WDR46: variants seen among roughly 807,000 people sequenced by gnomAD.
WDR46 encodes WD repeat domain 46, also known as WD repeat-containing protein 46.
A neutral mutation model predicts 74.7 loss-of-function variants in WDR46; 58 were observed. That is an observed-to-expected ratio of 0.78 (90% CI 0.63 to 0.97). The LOEUF (loss-of-function observed/expected upper bound fraction) is 0.97. Among genes scored for constraint, WDR46 ranks in the 50% least tolerant of loss-of-function variants. The probability of loss-of-function intolerance (pLI) is 0.00; values close to 1 mark genes in which losing one functional copy is unlikely to be tolerated. For missense variants in WDR46, 702 were observed against 790.1 expected (o/e 0.89, Z 1.34); for synonymous variants, 278 against 297.3 (o/e 0.93, Z 0.67).
In WDR46 at chr6:33,280,938, G is replaced by C. The variant is rs774149911; in HGVS notation, c.1165C>G (p.Arg389Gly). The C allele has an allele frequency of 9.9e-6, 16 of 1,613,590 alleles. No homozygotes were observed. Among genetic ancestry groups the C allele is most frequent in the Non-Finnish European group, 1.2e-5 (14 of 1,179,696 alleles). The change falls in exon 11 of 15, where the codon CGA (arginine) becomes GGA (glycine). Residue 389 changes from arginine (R) to glycine (G), a missense_variant. Arg to Gly is a moderately radical substitution (Grantham distance 125). Transcript: ENST00000374617. The stretch of plus-strand genomic sequence containing the variant: ...GTGCTCAGAGGCTGGTACGTCCCTC[G>C]CAAGTCAAAGATCTTCAGCTGGTGG... ...LDHQLKIFDL[R>G]GTYQPLSTRT...
chr6:33,283,475 A>C (rs1236135489), intron 10 of WDR46, among the ~76,000 whole-genome samples: 1 of 152,120 alleles, frequency 6.6e-6, no homozygotes, highest in African/African-American at 2.4e-5. Flanking sequence ...TGTGTACCTG[A>C]GTCAAATTCT....
At chr6:33,288,322 G>C in intron 4 of WDR46, 36 bp downstream of exon 4, 1 of 1,613,010 alleles carries the variant, frequency 6.2e-7, no homozygotes, top group South Asian at 1.1e-5. Flanking sequence ...AGTCCCAAAA[G>C]GCAGGGAATG....
chr6:33,288,100 C>A (rs1222644156), intron 5 of WDR46, 48 bp downstream of exon 5: 1 of 1,614,062 alleles, frequency 6.2e-7, no homozygotes, highest in Admixed American at 1.7e-5. Context: ...CCTCTATTGT[C>A]CTGCACCACC....
intron 10 of WDR46, chr6:33,284,376 G>A (rs1274344955): frequency 1.3e-5 from 2 of 153,800 alleles, no homozygotes; most frequent in Non-Finnish European, 2.9e-5. Context: ...CCCACAGCAG[G>A]TGCCCAGTGA....
At chr6:33,283,306 G>A (rs1766347236) in intron 10 of WDR46, among the ~76,000 whole-genome samples, 1 of 152,156 alleles carries the variant, frequency 6.6e-6, no homozygotes, top group African/African-American at 2.4e-5. Flanking sequence ...GGCCAAGCTG[G>A]ATGTGGTGGC....
In WDR46 at chr6:33,288,368, C is replaced by T; in HGVS notation, c.463G>A (p.Glu155Lys). ...KAARSELLLAEEPGFLEGEDG... is the reference protein window; with the variant it reads ...KAARSELLLAKEPGFLEGEDG... ...TTAGGGCTCACTCACCCAGGTTCTT[C>T]AGCAAGCAGCAGCTCAGAACGAGCA... Residue 155 changes from glutamate to lysine, a missense_variant, in exon 4 of 15, where the codon GAA becomes AAA. Transcript: ENST00000374617. 1 of 1,614,198 alleles carries T rather than the reference C, an allele frequency of 6.2e-7. No homozygotes were observed. Among genetic ancestry groups the T allele is most frequent in the South Asian group, 1.1e-5 (1 of 91,090 alleles).
At position 33,279,599 on chromosome 6, in the gene WDR46, C is replaced by A. The variant is rs370202382; in HGVS notation, c.1632G>T (p.Pro544=). The change falls in exon 14 of 15, where the codon CCG becomes CCT. Residue 544 remains proline (P), a synonymous_variant. Transcript: ENST00000374617. Reference sequence around the variant, plus strand: ...TTGGCTGGAAGGGAGCCTTAGCCTGCGGGTCATAGCCCTGAGGGAGGGGAC... The same window carrying A: ...TTGGCTGGAAGGGAGCCTTAGCCTGAGGGTCATAGCCCTGAGGGAGGGGAC... The part of the protein sequence containing the change: ...KEQIERLGYD[P]QAKAPFQPKP... 1.2e-6 allele frequency: 2 copies of A among 1,614,112 alleles called. No homozygotes were observed. The highest frequency in any genetic ancestry group is 8.5e-7 in the Non-Finnish European group (1 of 1,180,038).
intron 6 of WDR46, 83 bp downstream of exon 6, chr6:33,287,882 A>G: frequency 6.4e-7 from 1 of 1,568,470 alleles, no homozygotes; most frequent in Non-Finnish European, 8.8e-7. Context: ...TCCCCTCATC[A>G]GCAACCCAAA....
intron 11 of WDR46, 24 bp from the exon 12 acceptor site, chr6:33,280,546 T>C: frequency 6.3e-7 from 1 of 1,599,186 alleles, no homozygotes; most frequent in Non-Finnish European, 8.5e-7. Flanking sequence ...GGGAGAAGCA[T>C]GGAGCCATAA....
At chr6:33,286,766 C>T (rs770145947) in intron 10 of WDR46, 29 bp downstream of exon 10, 2 of 1,583,214 alleles carry the variant, frequency 1.3e-6, no homozygotes, top group Non-Finnish European at 1.7e-6. Flanking sequence ...ACCTATGACT[C>T]CTAACACCTC....
chr6:33,287,275 A>G lies in WDR46; in HGVS notation c.880-49T>C, dbSNP rs1185006886. The G allele has an allele frequency of 1.9e-6, 3 of 1,612,532 alleles. No individual in the cohort carries two copies. In the South Asian group the frequency reaches 3.3e-5, roughly 18 times the overall value. The stretch of plus-strand genomic sequence containing the variant: ...TGACCCAGTCCTGATTGCCCTCTGT[A>G]TTCCCTCTGCTGGGGTCCTAAAGGA... On this transcript the variant is annotated intron_variant, in intron 8 of 14. Coordinates refer to ENST00000374617, the MANE Select transcript of WDR46 (RefSeq NM_005452.6).
chr6:33,283,371 G>A (rs1298549210), intron 10 of WDR46, among the ~76,000 whole-genome samples: 2 of 151,994 alleles, frequency 1.3e-5, no homozygotes, highest in Non-Finnish European at 2.9e-5. Context: ...TAGGAGGACC[G>A]CTTGAGCCCA....
rs1198928840 is a variant in WDR46 at position 33,280,754 on chromosome 6, A to C, written c.1349T>G (p.Val450Gly). ...PYLTHRLSGP[V>G]HGLQFCPFED... is the part of the protein sequence containing the mutation. ...AAAGGGGCAGAACTGAAGGCCATGCACAGGGCCTGAGAGCCGGTGGGTGAG... is the reference window on the plus strand; with the variant it reads ...AAAGGGGCAGAACTGAAGGCCATGCCCAGGGCCTGAGAGCCGGTGGGTGAG... The change falls in exon 11 of 15, where the codon GTG becomes GGG. Residue 450 changes from valine to glycine, a missense_variant. Transcript: ENST00000374617. 2 of 1,613,534 alleles carry C rather than the reference A, an allele frequency of 1.2e-6. No homozygotes were observed. Among genetic ancestry groups the C allele is most frequent in the Non-Finnish European group, 1.7e-6 (2 of 1,179,632 alleles).
rs1017254473 is a variant in WDR46, at chr6:33,279,976, A to G, written c.1525-117T>C. The stretch of plus-strand genomic sequence containing the variant: ...CCCAAGACCCCCAGCATGAGACATC[A>G]GGAGAGCTTTCTCTACCTCCAACCC... On this transcript the variant is annotated intron_variant, in intron 12 of 14. Transcript: ENST00000374617. 7.4e-6 allele frequency: 7 copies of G among 950,026 alleles called. No homozygotes were observed. In the African/African-American group the frequency reaches 1.2e-4, roughly 16 times the overall value. 58.8% of individuals were successfully genotyped at this position (950,026 alleles called of 1,614,324 possible). A position where few individuals can be genotyped will look rare whatever the true frequency, so the allele number is the denominator to read the frequency against.
At position 33,279,767 on chromosome 6, in the gene WDR46, CCTCT is replaced by C. The variant is rs1765963865; in HGVS notation, c.1613_1616del (p.Glu538GlyfsTer28). 1.2e-6 allele frequency: 2 copies of C among 1,614,056 alleles called. No homozygotes were observed. The highest frequency in any genetic ancestry group is 1.7e-6 in the Non-Finnish European group (2 of 1,179,978). On this transcript the variant is annotated frameshift_variant, in exon 13 of 15. Coordinates refer to ENST00000374617, the MANE Select transcript of WDR46 (RefSeq NM_005452.6). LOFTEE classifies it high-confidence loss of function. ...CATTCAGGGGCCTGCTCCATACCAGCCTCTCTATCTGCTCCTTCTTTCCCTGCTC... is the reference window on the plus strand; with the variant it reads ...CATTCAGGGGCCTGCTCCATACCAGCCTATCTGCTCCTTCTTTCCCTGCTC...
chr6:33,286,274 C>T (rs1423997257), intron 10 of WDR46, among the ~76,000 whole-genome samples: 1 of 152,146 alleles, frequency 6.6e-6, no homozygotes, highest in African/African-American at 2.4e-5. Context: ...TGCTGAAACC[C>T]TGTCTCTACT....
At position 33,286,895 on chromosome 6, in the gene WDR46, C is replaced by T. The variant is rs1208166058; in HGVS notation, c.1016-1G>A. On this transcript the variant is annotated splice_acceptor_variant, in intron 9 of 14. Coordinates refer to ENST00000374617, the MANE Select transcript of WDR46 (RefSeq NM_005452.6). LOFTEE classifies it high-confidence loss of function. ...GCTGGACTCCATAAAGACACAGTAC[C>T]TGGAAGAGAAGAAGAACCAAAGTTG... is the stretch of plus-strand genomic sequence containing the variant. 1.2e-6 allele frequency: 2 copies of T among 1,613,990 alleles called. No individual in the cohort carries two copies. Among genetic ancestry groups the T allele is most frequent in the Non-Finnish European group, 1.7e-6 (2 of 1,179,970 alleles).
At chr6:33,285,049 T>C (rs1464089740) in intron 10 of WDR46, among the ~76,000 whole-genome samples, 1 of 152,176 alleles carries the variant, frequency 6.6e-6, no homozygotes, top group African/African-American at 2.4e-5. Context: ...ATACTTGCAA[T>C]CTCTACAGAT....
At chr6:33,281,941 C>T (rs1766223064) in intron 10 of WDR46, among the ~76,000 whole-genome samples, 1 of 152,218 alleles carries the variant, frequency 6.6e-6, no homozygotes, top group Admixed American at 6.5e-5. Context: ...TCAAGTGATT[C>T]TCGTGCCTCA....
Sources: gnomAD v4.1 joint callset for allele counts (sites outside exome capture counted in the v4.1 genomes callset) on GRCh38, gnomAD v4.1.1 for gene constraint, MANE v1.5 for transcripts, NCBI Gene and HGNC (gene_info 2026-07-23, HGNC 2026-07-21) for gene names.